The following MND1 variants were observed in gnomAD, a reference collection of about 807,000 sequenced individuals.
The protein encoded by MND1 is meiotic nuclear division protein 1 homolog.
MND1 carries 28 observed loss-of-function variants against 35.1 expected under a neutral mutation model. The ratio of observed to expected loss-of-function variants is 0.80; its 90% CI spans 0.59 to 1.09. The LOEUF (loss-of-function observed/expected upper bound fraction) is 1.09, where lower values mean the gene tolerates loss of function less well. MND1 is among the 50% of genes least tolerant of loss of function. The pLI is 0.00. For missense variants in MND1, 213 were observed against 239.6 expected, an observed-to-expected ratio of 0.89 and a Z score of 0.73; for synonymous variants, 69 against 70.5, an observed-to-expected ratio of 0.98 and a Z score of 0.11.
intron 2 of MND1, among the ~76,000 whole-genome samples, chr4:153,354,144 G>GT (rs79558299): frequency 0.19 from 28,796 of 149,602 alleles, 2,854 homozygotes; most frequent in African/African-American, 0.25. Flanking sequence ...TTCTAGACAG[G>GT]TTTTTTTTTT....
intron 4 of MND1, among the ~76,000 whole-genome samples, chr4:153,375,804 A>C (rs1298545300): frequency 6.6e-6 from 1 of 152,128 alleles, no homozygotes; most frequent in African/African-American, 2.4e-5. Context: ...ATGTGGTTGA[A>C]TTTTGCTGAA....
At chr4:153,351,931 C>T (rs906593965) in intron 2 of MND1, among the ~76,000 whole-genome samples, 5 of 152,190 alleles carry the variant, frequency 3.3e-5, no homozygotes, top group African/African-American at 1.2e-4. Context: ...TTCTTTGTTA[C>T]CTATAGTGAA....
chr4:153,397,958 A>G (rs1469804688), intron 6 of MND1, among the ~76,000 whole-genome samples: 2 of 152,252 alleles, frequency 1.3e-5, no homozygotes, highest in Non-Finnish European at 2.9e-5. Context: ...AGGAGTTAGT[A>G]AAAGAGCTAA....
At chr4:153,409,036 G>A in intron 7 of MND1, 21 bp downstream of exon 7, 1 of 1,327,348 alleles carries the variant, frequency 7.5e-7, no homozygotes, top group Non-Finnish European at 9.8e-7. Flanking sequence ...TAATAATGCT[G>A]ATAAACTATA....
chr4:153,344,840 A>G, intron 1 of MND1, 100 bp downstream of exon 1: 1 of 1,519,860 alleles, frequency 6.6e-7, no homozygotes. Context: ...GTTGACCGCC[A>G]TTCCGGGCCG....
At chr4:153,376,865 T>TA (rs1728525184) in intron 4 of MND1, among the ~76,000 whole-genome samples, 1 of 152,158 alleles carries the variant, frequency 6.6e-6, no homozygotes. Context: ...TATCAGTACC[T>TA]AGCACCGTTT....
intron 6 of MND1, among the ~76,000 whole-genome samples, chr4:153,406,648 T>A (rs1729517234): frequency 6.6e-6 from 1 of 151,356 alleles, no homozygotes; most frequent in Non-Finnish European, 1.5e-5. Flanking sequence ...GACAACCCAG[T>A]TGAAAAATGA....
intron 4 of MND1, among the ~76,000 whole-genome samples, chr4:153,386,547 C>A (rs1161435521): frequency 6.6e-6 from 1 of 152,018 alleles, no homozygotes; most frequent in Middle Eastern, 3.2e-3. Context: ...GAAACCCTAT[C>A]TCTACTAAAA....
Position 153,358,494 on chromosome 4 carries a change from G to C in MND1, c.148G>C (p.Val50Leu). ...CTTAGCTGCTATGTCAGTAAAAGAA[G>C]TCCTTCAAAGCTTAGTTGATGATGG... ...KGITAMSVKE[V>L]LQSLVDDGMV... Residue 50 changes from valine (V) to leucine (L), a missense_variant, in exon 4 of 8, where the codon GTC becomes CTC. By Grantham distance (32) the Val-to-Leu change is conservative. Transcript: ENST00000240488. 1 of 1,603,096 alleles carries C rather than the reference G, an allele frequency of 6.2e-7. No homozygotes were observed. The highest frequency in any genetic ancestry group is 2.2e-5 in the East Asian group (1 of 44,472).
Position 153,344,704 on chromosome 4 carries a change from G to T in MND1, c.-34G>T, listed in dbSNP as rs776847585. ...CTGTCCCGCCCCTCTCCCCAAGCGC[G>T]GGCCCGGCCAGCGGAAGCCCCTGCG... On this transcript the variant is annotated 5_prime_UTR_variant, in exon 1 of 8. Coordinates refer to ENST00000240488, the MANE Select transcript of MND1 (RefSeq NM_032117.4). The T allele has an allele frequency of 7.0e-6, 11 of 1,575,902 alleles. No homozygotes were observed. In the East Asian group the frequency reaches 1.4e-4, roughly 20 times the overall value.
chr4:153,393,556 A>G (rs1477889335), intron 4 of MND1, among the ~76,000 whole-genome samples: 1 of 151,256 alleles, frequency 6.6e-6, no homozygotes, highest in African/African-American at 2.4e-5. Context: ...ATTTTTTTGT[A>G]TTTGTTGAGA....
chr4:153,349,977 C>A, intron 1 of MND1, 87 bp from the exon 2 acceptor site: 1 of 876,598 alleles, frequency 1.1e-6, no homozygotes, highest in Non-Finnish European at 1.8e-6. Flanking sequence ...CAGATAAGAC[C>A]ATGCATAAAA....
chr4:153,347,030 T>C (rs2149626593), intron 1 of MND1, among the ~76,000 whole-genome samples: 1 of 152,306 alleles, frequency 6.6e-6, no homozygotes, highest in African/African-American at 2.4e-5. Flanking sequence ...TTGGAGGATT[T>C]AAAAAATATG....
chr4:153,372,348 C>T (rs1303163750), intron 4 of MND1, among the ~76,000 whole-genome samples: 4 of 151,058 alleles, frequency 2.6e-5, no homozygotes, highest in Non-Finnish European at 5.9e-5. Context: ...AAAGAGGGAT[C>T]GTTCAGGCCA....
chr4:153,403,188 T>C (rs1395901819), intron 6 of MND1, among the ~76,000 whole-genome samples: 1 of 151,978 alleles, frequency 6.6e-6, no homozygotes, highest in Non-Finnish European at 1.5e-5. Flanking sequence ...AAGAGCAACA[T>C]ATTCCTGGAA....
At chr4:153,390,182 A>G (rs551093281) in intron 4 of MND1, among the ~76,000 whole-genome samples, 4 of 152,338 alleles carry the variant, frequency 2.6e-5, no homozygotes, top group African/African-American at 7.2e-5. Flanking sequence ...GTGCAGTTGT[A>G]TAGATGAAAA....
At chr4:153,366,328 A>G (rs1372461529) in intron 4 of MND1, among the ~76,000 whole-genome samples, 1 of 151,924 alleles carries the variant, frequency 6.6e-6, no homozygotes, top group Non-Finnish European at 1.5e-5. Context: ...AAGGATTGGG[A>G]CCTCCTATCT....
At chr4:153,346,824 A>G (rs79717578) in intron 1 of MND1, among the ~76,000 whole-genome samples, 3,282 of 152,258 alleles carry the variant, frequency 0.022, 127 homozygotes, top group African/African-American at 0.075. Flanking sequence ...TGTTTCGAAT[A>G]TCAAAATGTT....
At chr4:153,377,458 G>T (rs182470269) in intron 4 of MND1, among the ~76,000 whole-genome samples, 81 of 152,266 alleles carry the variant, frequency 5.3e-4, no homozygotes, top group African/African-American at 1.9e-3. Flanking sequence ...AATGTTTAGT[G>T]AATGCTTGCT....
Sources: allele counts gnomAD v4.1 joint callset (sites outside exome capture counted in the v4.1 genomes callset), GRCh38; gene constraint gnomAD v4.1.1; transcripts MANE v1.5; gene names NCBI Gene and HGNC (gene_info 2026-07-23, HGNC 2026-07-21).